Variants in HIVEP3 observed in about 807,000 individuals in gnomAD.
HIVEP3 encodes the protein transcription factor HIVEP3.
A neutral mutation model predicts 152.8 loss-of-function variants in HIVEP3; 49 were observed. The ratio of observed to expected loss-of-function variants is 0.32; its 90% CI spans 0.26 to 0.41. The LOEUF (loss-of-function observed/expected upper bound fraction) is 0.41, where lower values mean the gene tolerates loss of function less well. Ranked by LOEUF, HIVEP3 falls within the 10% of genes least tolerant of loss-of-function variation. The probability of loss-of-function intolerance (pLI) is 1.00; values close to 1 mark genes in which losing one functional copy is unlikely to be tolerated. For synonymous variants in HIVEP3, 1,269 were observed against 1,289.0 expected, an observed-to-expected ratio of 0.98 and a Z score of 0.33; for missense variants, 2,790 against 3,103.3, an observed-to-expected ratio of 0.90 and a Z score of 2.40.
At chr1:41,588,469 G>A (rs1040361137) in intron 3 of HIVEP3, among the ~76,000 whole-genome samples, 2 of 152,128 alleles carry the variant, frequency 1.3e-5, no homozygotes, top group Non-Finnish European at 2.9e-5. Context: ...GGCTCTCCTT[G>A]GCAGGTGGTG....
chr1:41,854,722 T>C (rs1643710270), intron 1 of HIVEP3, among the ~76,000 whole-genome samples: 1 of 83,308 alleles, frequency 1.2e-5, no homozygotes, highest in South Asian at 4.0e-4. Context: ...CCCCTTCCTG[T>C]GTCCACGTGA....
At chr1:41,994,477 G>T (rs1054547367) in intron 1 of HIVEP3, among the ~76,000 whole-genome samples, 34 of 152,264 alleles carry the variant, frequency 2.2e-4, no homozygotes, top group African/African-American at 8.2e-4. Context: ...ATGGGAACAG[G>T]TTTCCCCCAT....
chr1:41,785,328 A>G (rs1465367340), intron 1 of HIVEP3, among the ~76,000 whole-genome samples: 1 of 152,210 alleles, frequency 6.6e-6, no homozygotes, highest in Non-Finnish European at 1.5e-5. Context: ...AAACCAACTG[A>G]GTAGGCAGAG....
intron 2 of HIVEP3, among the ~76,000 whole-genome samples, chr1:41,688,439 C>A (rs1222849481): frequency 6.6e-6 from 1 of 152,230 alleles, no homozygotes; most frequent in African/African-American, 2.4e-5. Context: ...GGCCCAGAGC[C>A]CCCACATCGG....
intron 1 of HIVEP3, among the ~76,000 whole-genome samples, chr1:41,929,317 T>G (rs1644983929): frequency 6.6e-6 from 1 of 152,204 alleles, no homozygotes; most frequent in South Asian, 2.1e-4. Context: ...CAATATATCC[T>G]TACTTATTTT....
rs1035412242 is a variant in HIVEP3 at position 41,897,961 on chromosome 1, G to C, written c.-801+20452C>G. ...AGGGAGAGAGAGAGAGAGAGAGAGAGAGAGAGAGAGAGAGAGAGAGGTGCT... is the reference window on the plus strand; with the variant it reads ...AGGGAGAGAGAGAGAGAGAGAGAGACAGAGAGAGAGAGAGAGAGAGGTGCT... On this transcript the variant is annotated intron_variant, in intron 1 of 8. Transcript: ENST00000372583. Among the ~76,000 whole-genome samples the C allele has an allele frequency of 7.9e-4, 120 of 151,212 alleles. 1 individual carries two copies. The highest frequency in any genetic ancestry group is 1.4e-3 in the Non-Finnish European group (93 of 67,682).
In HIVEP3 at chr1:41,579,772, C is replaced by T; in HGVS notation, c.5026G>A (p.Val1676Met). ...CGGGGCTTGCGGGAGCTGGATGGCA[C>T]AAGCCTTCCTGCCTCAGGATGCGGA... is the stretch of plus-strand genomic sequence containing the variant. The part of the protein sequence containing the change: ...TAPHPEAGRL[V>M]PSSSRKPRMT... The change falls in exon 4 of 9, where the codon GTG becomes ATG. Residue 1676 changes from valine (V) to methionine (M), a missense_variant. Around this residue, in one of 9 missense-constraint regions of HIVEP3, gnomAD observed 1,078 missense variants for 1,165.3 expected, o/e 0.93. Transcript: ENST00000372583. The T allele has an allele frequency of 6.3e-7, 1 of 1,599,122 alleles. No homozygotes were observed. The highest frequency in any genetic ancestry group is 8.6e-7 in the Non-Finnish European group (1 of 1,169,010).
intron 2 of HIVEP3, among the ~76,000 whole-genome samples, chr1:41,665,318 T>C (rs1280551904): frequency 6.6e-6 from 1 of 152,148 alleles, no homozygotes; most frequent in Non-Finnish European, 1.5e-5. Flanking sequence ...TCCCACCATG[T>C]ATCTGAAAGG....
intron 2 of HIVEP3, among the ~76,000 whole-genome samples, chr1:41,691,613 A>G (rs1192548266): frequency 3.3e-5 from 5 of 152,348 alleles, no homozygotes; most frequent in East Asian, 3.9e-4. Context: ...ATCAGACAGT[A>G]GAGCCTCATC....
chr1:41,604,901 C>T (rs1464740582), intron 3 of HIVEP3, among the ~76,000 whole-genome samples: 1 of 151,720 alleles, frequency 6.6e-6, no homozygotes, highest in African/African-American at 2.4e-5. Context: ...CCCAGGAATT[C>T]GAGACCAGCT....
chr1:41,644,693 C>CCTT (rs1645431398), intron 2 of HIVEP3, among the ~76,000 whole-genome samples: 1 of 74,738 alleles, frequency 1.3e-5, no homozygotes. Flanking sequence ...CATATCTGTT[C>CCTT]TTTTTTTTTT....
chr1:41,701,379 T>C (rs1379355455), intron 1 of HIVEP3, among the ~76,000 whole-genome samples: 1 of 152,258 alleles, frequency 6.6e-6, no homozygotes, highest in Non-Finnish European at 1.5e-5. Flanking sequence ...CATTCATTCA[T>C]GCAAGCATTC....
Position 41,510,855 on chromosome 1 carries a change from C to T in HIVEP3, c.6817G>A (p.Asp2273Asn). Residue 2273 changes from aspartate (D) to asparagine (N), a missense_variant, in exon 9 of 9, where the codon GAC becomes AAC. Coordinates refer to ENST00000372583, the MANE Select transcript of HIVEP3 (RefSeq NM_024503.5). ...GTCCTCTCCCTCTCCTTGGGGTAGT[C>T]CCCGCCCTCCAGCTCTGAGGAGAGT... Reference protein sequence around the residue: ...FTLSSELEGGDYPKERERTGG... With the variant: ...FTLSSELEGGNYPKERERTGG... The T allele has an allele frequency of 1.9e-6, 3 of 1,613,296 alleles. No individual in the cohort carries two copies. Among genetic ancestry groups the T allele is most frequent in the Non-Finnish European group, 2.5e-6 (3 of 1,179,880 alleles).
chr1:41,564,870 G>A (rs1445003653), intron 5 of HIVEP3, among the ~76,000 whole-genome samples: 3 of 152,202 alleles, frequency 2.0e-5, no homozygotes, highest in Non-Finnish European at 2.9e-5. Context: ...AGGAGGCAGA[G>A]AGGACCTCCG....
rs1480068962 is a variant in HIVEP3 at position 41,524,893 on chromosome 1, T to G, written c.5225A>C (p.Glu1742Ala). 1 of 1,613,116 alleles carries G rather than the reference T, an allele frequency of 6.2e-7. No homozygotes were observed. The highest frequency in any genetic ancestry group is 8.5e-7 in the Non-Finnish European group (1 of 1,179,622). The change falls in exon 6 of 9, where the codon GAG becomes GCG. Residue 1742 changes from glutamate (E) to alanine (A), a missense_variant. This residue lies in a region of HIVEP3 where 57 missense variants were observed against 95.1 expected (regional missense o/e 0.60). Transcript: ENST00000372583. ...IFEGGYKSNE[E>A]YVYVRGRGRG... ...GCCGCGGCCTCGCACATATACATACTCTTCGTTTGATTTGTACCTATGAGC... is the reference window on the plus strand; with the variant it reads ...GCCGCGGCCTCGCACATATACATACGCTTCGTTTGATTTGTACCTATGAGC...
chr1:41,771,356 T>C lies in HIVEP3; in HGVS notation c.-800-70361A>G, dbSNP rs113766249. Among the ~76,000 whole-genome samples, 686 of 152,086 alleles carry C rather than the reference T, an allele frequency of 4.5e-3. 6 individuals are homozygous for C. The highest frequency in any genetic ancestry group is 0.016 in the African/African-American group (654 of 41,452). On this transcript the variant is annotated intron_variant, in intron 1 of 8. Coordinates refer to ENST00000372583, the MANE Select transcript of HIVEP3 (RefSeq NM_024503.5). ...ACTTGTACCTGTAAAACAGTTTCAATTTAGTAATTAATAAGGCTGACCTGG... is the reference window on the plus strand; with the variant it reads ...ACTTGTACCTGTAAAACAGTTTCAACTTAGTAATTAATAAGGCTGACCTGG...
At chr1:42,000,403 C>T (rs1645420724) in intron 1 of HIVEP3, among the ~76,000 whole-genome samples, 1 of 152,180 alleles carries the variant, frequency 6.6e-6, no homozygotes, top group Non-Finnish European at 1.5e-5. Flanking sequence ...CTACAGCTGG[C>T]CCACTGCAGG....
chr1:41,998,976 A>T (rs1645411577), intron 1 of HIVEP3, among the ~76,000 whole-genome samples: 1 of 133,402 alleles, frequency 7.5e-6, no homozygotes, highest in African/African-American at 2.8e-5. Flanking sequence ...GCTCACTGCA[A>T]CCTCCACCTC....
intron 2 of HIVEP3, among the ~76,000 whole-genome samples, chr1:41,644,358 C>T (rs1049257647): frequency 3.9e-5 from 6 of 152,150 alleles, no homozygotes; most frequent in African/African-American, 1.4e-4. Context: ...CATTAACTGG[C>T]CACGTGACCA....
Sources: allele counts gnomAD v4.1 joint callset (sites outside exome capture counted in the v4.1 genomes callset), GRCh38; gene constraint gnomAD v4.1.1; regional missense constraint gnomAD v4.1.1; transcripts MANE v1.5; gene names NCBI Gene and HGNC (gene_info 2026-07-23, HGNC 2026-07-21).